Variants in ARHGAP26 observed in about 807,000 individuals in gnomAD.
ARHGAP26 encodes the protein rho GTPase-activating protein 26.
ARHGAP26 carries 38 observed loss-of-function variants against 104.8 expected under a neutral mutation model. The ratio of observed to expected loss-of-function variants is 0.36; its 90% confidence interval spans 0.28 to 0.48. The LOEUF (loss-of-function observed/expected upper bound fraction) is 0.48, where lower values mean the gene tolerates loss of function less well. Ranked by LOEUF, ARHGAP26 falls within the 20% of genes least tolerant of loss-of-function variation. ARHGAP26 has a pLI of 0.99. For synonymous variants in ARHGAP26, 341 were observed against 340.0 expected (o/e 1.00, Z -0.03); for missense variants, 704 against 947.9 (o/e 0.74, Z 3.38).
intron 10 of ARHGAP26, among the ~76,000 whole-genome samples, chr5:142,923,015 C>A (rs1162181977): frequency 6.6e-6 from 1 of 151,754 alleles, no homozygotes; most frequent in African/African-American, 2.4e-5. Flanking sequence ...TGCTTTTTGG[C>A]TGTTCTGTAA....
At chr5:142,833,156 C>T (rs1047643490) in intron 1 of ARHGAP26, among the ~76,000 whole-genome samples, 1 of 151,804 alleles carries the variant, frequency 6.6e-6, no homozygotes, top group African/African-American at 2.4e-5. Flanking sequence ...CAGGTTCAAG[C>T]AATTTTCCTG....
chr5:142,844,602 C>T (rs1164766164), intron 1 of ARHGAP26, among the ~76,000 whole-genome samples: 2 of 151,806 alleles, frequency 1.3e-5, no homozygotes, highest in Non-Finnish European at 2.9e-5. Flanking sequence ...TAGTGGCTCA[C>T]GTCTGTAATC....
chr5:142,915,228 A>G (rs190224316), intron 10 of ARHGAP26, among the ~76,000 whole-genome samples: 32 of 152,128 alleles, frequency 2.1e-4, no homozygotes, highest in Non-Finnish European at 3.8e-4. Context: ...CAAAGAGCGA[A>G]TGTGTCACAT....
chr5:143,091,150 C>T (rs1056907673), intron 17 of ARHGAP26, among the ~76,000 whole-genome samples: 14 of 152,168 alleles, frequency 9.2e-5, no homozygotes, highest in South Asian at 2.1e-4. Context: ...CTATGGCCCA[C>T]GACTCTGGAG....
chr5:142,798,506 C>G (rs1226642727), intron 1 of ARHGAP26, among the ~76,000 whole-genome samples: 2 of 152,174 alleles, frequency 1.3e-5, no homozygotes. Flanking sequence ...TTGGTTGGGG[C>G]ATGGTGGGAT....
At chr5:142,775,677 CTG>C (rs1756176850) in intron 1 of ARHGAP26, among the ~76,000 whole-genome samples, 1 of 152,152 alleles carries the variant, frequency 6.6e-6, no homozygotes, top group Non-Finnish European at 1.5e-5. Flanking sequence ...ATTCTGCTGT[CTG>C]TATGAATTTA....
At chr5:143,189,207 A>G (rs1805559919) in intron 20 of ARHGAP26, among the ~76,000 whole-genome samples, 1 of 152,220 alleles carries the variant, frequency 6.6e-6, no homozygotes, top group African/African-American at 2.4e-5. Context: ...AAGTTCACAT[A>G]GTATTCTGGG....
At chr5:142,980,509 C>T (rs1773784708) in intron 11 of ARHGAP26, among the ~76,000 whole-genome samples, 1 of 152,028 alleles carries the variant, frequency 6.6e-6, no homozygotes, top group Admixed American at 6.6e-5. Flanking sequence ...CTACCTCAGC[C>T]TCCTGAGTGG....
chr5:143,207,625 C>A, intron 21 of ARHGAP26: 1 of 956,320 alleles, frequency 1.0e-6, no homozygotes, highest in Non-Finnish European at 1.5e-6. Flanking sequence ...TTTTCACACC[C>A]TTTTCAACCC....
At chr5:142,977,879 T>G (rs1407990016) in intron 11 of ARHGAP26, among the ~76,000 whole-genome samples, 2 of 152,242 alleles carry the variant, frequency 1.3e-5, no homozygotes, top group African/African-American at 4.8e-5. Flanking sequence ...TTCGTACCAC[T>G]ACTGCTTTCC....
At chr5:142,988,520 T>C (rs1468945053) in intron 11 of ARHGAP26, among the ~76,000 whole-genome samples, 1 of 152,184 alleles carries the variant, frequency 6.6e-6, no homozygotes, top group Admixed American at 6.5e-5. Context: ...AGTTATTTCT[T>C]GCCTTCTGCT....
chr5:142,823,396 G>GT (rs564232768), intron 1 of ARHGAP26, among the ~76,000 whole-genome samples: 26 of 151,286 alleles, frequency 1.7e-4, no homozygotes, highest in South Asian at 4.2e-4. Flanking sequence ...TCCCTTCTGT[G>GT]TTTTTTTTTC....
At chr5:143,186,288 A>G (rs925057570) in intron 20 of ARHGAP26, among the ~76,000 whole-genome samples, 2 of 152,182 alleles carry the variant, frequency 1.3e-5, no homozygotes, top group African/African-American at 2.4e-5. Flanking sequence ...CATGGAGTCC[A>G]AGGATAAAGC....
intron 17 of ARHGAP26, among the ~76,000 whole-genome samples, chr5:143,081,368 G>A (rs1180673707): frequency 1.3e-5 from 2 of 152,134 alleles, no homozygotes; most frequent in African/African-American, 4.8e-5. Context: ...ACACCATAGA[G>A]AATAAAATAA....
At chr5:143,149,511 T>C (rs1562510661) in intron 20 of ARHGAP26, among the ~76,000 whole-genome samples, 1 of 152,314 alleles carries the variant, frequency 6.6e-6, no homozygotes, top group East Asian at 1.9e-4. Flanking sequence ...CCTGTCTCCC[T>C]GATATTTTCT....
At chr5:143,037,704 C>G (rs534891474) in intron 13 of ARHGAP26, among the ~76,000 whole-genome samples, 77 of 152,240 alleles carry the variant, frequency 5.1e-4, no homozygotes, top group African/African-American at 1.7e-3. Flanking sequence ...TTGCAGGTAC[C>G]GCTAATGCTC....
intron 11 of ARHGAP26, among the ~76,000 whole-genome samples, chr5:143,010,009 A>G (rs545219539): frequency 7.0e-4 from 106 of 152,346 alleles, no homozygotes; most frequent in Middle Eastern, 3.4e-3. Context: ...ATTGCTAATC[A>G]TAAGACAAAG....
chr5:142,992,859 G>A (rs1255750022), intron 11 of ARHGAP26, among the ~76,000 whole-genome samples: 2 of 152,238 alleles, frequency 1.3e-5, no homozygotes, highest in Non-Finnish European at 2.9e-5. Context: ...GATGCGGACT[G>A]CTTAACCTTC....
Position 142,907,748 on chromosome 5 carries a change from C to T in ARHGAP26, c.877C>T (p.Arg293Trp), listed in dbSNP as rs369306277. The T allele has an allele frequency of 6.7e-5, 108 of 1,611,804 alleles. No homozygotes were observed. The highest frequency in any genetic ancestry group is 8.3e-5 in the Non-Finnish European group (98 of 1,178,582). ...SWVKHYCTYQRDSKQITMVPF... is the reference protein window; with the variant it reads ...SWVKHYCTYQWDSKQITMVPF... ...GGTGAAGCACTACTGTACATATCAA[C>T]GGGATTCCAAACAAATCACCATGGT... The change falls in exon 9 of 23, where the codon CGG (arginine) becomes TGG (tryptophan). Residue 293 changes from arginine (R) to tryptophan (W), a missense_variant. By Grantham distance (101) the Arg-to-Trp change is moderately radical. Coordinates refer to ENST00000645722, the MANE Select transcript of ARHGAP26 (RefSeq NM_001135608.3).
Sources: allele counts gnomAD v4.1 joint callset (sites outside exome capture counted in the v4.1 genomes callset), GRCh38; gene constraint gnomAD v4.1.1; transcripts MANE v1.5; gene names NCBI Gene and HGNC (gene_info 2026-07-23, HGNC 2026-07-21).